Variants in BTG4 observed in about 807,000 individuals in gnomAD.
BTG4 encodes the protein BTG anti-proliferation factor 4, also known as protein BTG4.
In BTG4, 10 loss-of-function variants were observed where a neutral mutation model predicts 19.3. That is an observed-to-expected ratio of 0.52 (90% confidence interval 0.32 to 0.88). The LOEUF is 0.88. BTG4 is among the 40% of genes least tolerant of loss of function. The pLI is 0.04. For synonymous variants in BTG4, 91 were observed against 95.7 expected (o/e 0.95, Z 0.29); for missense variants, 238 against 281.9 (o/e 0.84, Z 1.11).
chr11:111,410,547 G>A, the BTG4 span, among the ~76,000 whole-genome samples: 28 of 152,192 alleles, frequency 1.8e-4, no homozygotes, highest in African/African-American at 5.3e-4. Context: ...CTCCATGCAC[G>A]GAGAGATAGC....
the BTG4 span, among the ~76,000 whole-genome samples, chr11:111,409,229 G>C: frequency 9.2e-5 from 14 of 152,232 alleles, no homozygotes; most frequent in Non-Finnish European, 1.8e-4. Flanking sequence ...TGGAAAAGGA[G>C]CTGGCTAGGT....
chr11:111,467,081 T>C (rs148696246), downstream of BTG4, among the ~76,000 whole-genome samples: 33 of 152,362 alleles, frequency 2.2e-4, no homozygotes, highest in East Asian at 6.4e-3. Context: ...ATCTCTCGAA[T>C]GATATTAATC....
At chr11:111,466,338 G>A (rs955253902), downstream of BTG4, among the ~76,000 whole-genome samples, 9 of 152,108 alleles carry the variant, frequency 5.9e-5, no homozygotes, top group South Asian at 2.1e-4. Context: ...CAGACATTCC[G>A]TACAGATATT....
chr11:111,468,540 T>C (rs1198361130), intron 5 of BTG4, among the ~76,000 whole-genome samples: 1 of 152,240 alleles, frequency 6.6e-6, no homozygotes, highest in Admixed American at 6.5e-5. Flanking sequence ...CACTCACAGC[T>C]GAGTCAAAGG....
the BTG4 span, among the ~76,000 whole-genome samples, chr11:111,383,911 T>G: frequency 6.6e-6 from 1 of 152,232 alleles, no homozygotes; most frequent in African/African-American, 2.4e-5. Flanking sequence ...TTATTACAGT[T>G]TTTAAATTTT....
At chr11:111,417,906 T>G in the BTG4 span, 1 of 152,164 alleles carries the variant, frequency 6.6e-6, no homozygotes, top group African/African-American at 2.4e-5. Context: ...CAGTTTACAC[T>G]GCCTGGGAAC....
the BTG4 span, among the ~76,000 whole-genome samples, chr11:111,443,803 A>G: frequency 1.3e-5 from 2 of 152,220 alleles, no homozygotes; most frequent in Non-Finnish European, 2.9e-5. Context: ...AGTGTAGGGC[A>G]GCAATCAGAA....
At chr11:111,464,807 C>A (rs967951592), downstream of BTG4, 2 of 152,204 alleles carry the variant, frequency 1.3e-5, no homozygotes, top group Admixed American at 6.5e-5. Context: ...TCTACCCCCA[C>A]ACTAAAGTTC....
downstream of BTG4, among the ~76,000 whole-genome samples, chr11:111,491,847 A>G (rs895451099): frequency 6.6e-6 from 1 of 152,192 alleles, no homozygotes; most frequent in African/African-American, 2.4e-5. Context: ...TGGTTATTAT[A>G]CAAATAGACT....
downstream of BTG4, among the ~76,000 whole-genome samples, chr11:111,492,914 G>C (rs568494701): frequency 6.6e-6 from 1 of 152,298 alleles, no homozygotes; most frequent in East Asian, 1.9e-4. Context: ...GGGAGGCCAA[G>C]GTGGGCAGAT....
the BTG4 span, among the ~76,000 whole-genome samples, chr11:111,395,036 A>G: frequency 3.9e-5 from 6 of 152,360 alleles, no homozygotes; most frequent in East Asian, 1.2e-3. Context: ...CCATGAGGTG[A>G]CTAAGGAAGA....
chr11:111,404,630 T>A, the BTG4 span: 31 of 456,168 alleles, frequency 6.8e-5, no homozygotes, highest in African/African-American at 5.0e-4. Context: ...CCATCTCTGA[T>A]GAAGAAATAC....
At chr11:111,389,587 T>C in the BTG4 span, among the ~76,000 whole-genome samples, 4 of 152,236 alleles carry the variant, frequency 2.6e-5, no homozygotes, top group African/African-American at 7.2e-5. Context: ...GCCCAGAATA[T>C]AGAAAAGACT....
upstream of BTG4, chr11:111,513,369 C>T: frequency 1.9e-6 from 1 of 532,340 alleles, no homozygotes; most frequent in South Asian, 1.4e-5. Flanking sequence ...TGAGCTCCAA[C>T]TCAACCAATG....
the BTG4 span, among the ~76,000 whole-genome samples, chr11:111,438,664 T>C: frequency 3.9e-5 from 6 of 152,180 alleles, no homozygotes; most frequent in Non-Finnish European, 2.9e-5. Flanking sequence ...ATTAAACATT[T>C]TCTGGATCAA....
chr11:111,403,330 C>T, the BTG4 span, among the ~76,000 whole-genome samples: 724 of 152,294 alleles, frequency 4.8e-3, 3 homozygotes, highest in Non-Finnish European at 7.7e-3. Context: ...TGTTTTCCTC[C>T]GGGCACTGCG....
the BTG4 span, chr11:111,401,121 TTCA>T: frequency 6.7e-6 from 1 of 149,866 alleles, no homozygotes; most frequent in Non-Finnish European, 1.5e-5. Context: ...TGTAAGTTAG[TTCA>T]TGGTATTACA....
chr11:111,404,262 C>G, the BTG4 span, among the ~76,000 whole-genome samples: 4 of 152,216 alleles, frequency 2.6e-5, no homozygotes, highest in Admixed American at 2.6e-4. Context: ...AAACCTCTTT[C>G]TTTGTAAATT....
chr11:111,472,592 G>C (rs1343681561), intron 5 of BTG4, among the ~76,000 whole-genome samples: 2 of 152,038 alleles, frequency 1.3e-5, no homozygotes, highest in Admixed American at 1.3e-4. Context: ...TTCTTATCTT[G>C]GTTCAAATAT....
Sources: gnomAD v4.1 joint callset for allele counts (sites outside exome capture counted in the v4.1 genomes callset) on GRCh38, gnomAD v4.1.1 for gene constraint, MANE v1.5 for transcripts, NCBI Gene and HGNC (gene_info 2026-07-23, HGNC 2026-07-21) for gene names.